The following ALCAM variants were observed in gnomAD, a reference collection of about 807,000 sequenced individuals.
ALCAM encodes activated leukocyte cell adhesion molecule, also known as CD166 antigen.
ALCAM carries 30 observed loss-of-function variants against 70.9 expected under a neutral mutation model. The ratio of observed to expected loss-of-function variants is 0.42; its 90% CI spans 0.32 to 0.57. The LOEUF is 0.57. Among genes scored for constraint, ALCAM ranks in the 20% least tolerant of loss-of-function variants. The pLI is 0.11. For missense variants in ALCAM, 591 were observed against 695.1 expected (o/e 0.85, Z 1.68); for synonymous variants, 249 against 242.5 (o/e 1.03, Z -0.25).
chr3:105,572,242 C>T (rs1164905870), intron 15 of ALCAM, among the ~76,000 whole-genome samples: 2 of 152,114 alleles, frequency 1.3e-5, no homozygotes, highest in Non-Finnish European at 2.9e-5. Flanking sequence ...TAGCCCCCCA[C>T]CCCCTGACAG....
rs529510027 is a variant in ALCAM, at chr3:105,467,718, T to G, written c.74-52349T>G. ...TTTTCATGTTGGTTCTTACTGACTT[T>G]AATTTCTGATGATTTTCAAACCCTG... On this transcript the variant is annotated intron_variant, in intron 1 of 15. Coordinates refer to ENST00000306107, the MANE Select transcript of ALCAM (RefSeq NM_001627.4). Among the ~76,000 whole-genome samples, 241 of 151,342 alleles carry G rather than the reference T, an allele frequency of 1.6e-3. 1 individual carries two copies. The highest frequency in any genetic ancestry group is 5.5e-3 in the African/African-American group (226 of 41,418).
chr3:105,485,748 A>G (rs1035308419), intron 1 of ALCAM, among the ~76,000 whole-genome samples: 1 of 152,056 alleles, frequency 6.6e-6, no homozygotes, highest in African/African-American at 2.4e-5. Context: ...TGACTGTTTC[A>G]TATTTTTCTG....
rs981788221 is a variant in ALCAM, at chr3:105,367,348, G to C, written c.-61G>C. 1 of 1,581,294 alleles carries C rather than the reference G, an allele frequency of 6.3e-7. No homozygotes were observed. The highest frequency in any genetic ancestry group is 1.7e-5 in the Admixed American group (1 of 57,422). Reference sequence around the variant, plus strand: ...CAGCGCGCGGGCACCGCGGGGCCCGGGACGACGCCCCCTCCTGCGGCGTGG... The same window carrying C: ...CAGCGCGCGGGCACCGCGGGGCCCGCGACGACGCCCCCTCCTGCGGCGTGG... On this transcript the variant is annotated 5_prime_UTR_variant, in exon 1 of 16. Coordinates refer to ENST00000306107, the MANE Select transcript of ALCAM (RefSeq NM_001627.4).
chr3:105,384,800 T>A (rs978518988), intron 1 of ALCAM, among the ~76,000 whole-genome samples: 2 of 151,600 alleles, frequency 1.3e-5, no homozygotes, highest in African/African-American at 4.8e-5. Flanking sequence ...TTTTTTAAAT[T>A]ATAAATTGTA....
chr3:105,484,036 A>C (rs1331146516), intron 1 of ALCAM, among the ~76,000 whole-genome samples: 1 of 152,078 alleles, frequency 6.6e-6, no homozygotes, highest in Non-Finnish European at 1.5e-5. Flanking sequence ...TAAAATGATC[A>C]GAAAGCTGTC....
chr3:105,497,026 G>T (rs182126348), intron 1 of ALCAM, among the ~76,000 whole-genome samples: 1 of 152,012 alleles, frequency 6.6e-6, no homozygotes, highest in East Asian at 1.9e-4. Context: ...AAGAAAAAAC[G>T]TCTTTACTCT....
At chr3:105,559,841 C>T (rs184394371) in intron 14 of ALCAM, among the ~76,000 whole-genome samples, 6 of 152,290 alleles carry the variant, frequency 3.9e-5, no homozygotes, top group Admixed American at 3.3e-4. Context: ...TAATGGGCTT[C>T]TTCCCCTTAA....
At chr3:105,486,448 G>A (rs112567196) in intron 1 of ALCAM, among the ~76,000 whole-genome samples, 3,023 of 152,096 alleles carry the variant, frequency 0.02, 55 homozygotes, top group Non-Finnish European at 0.032. Flanking sequence ...GGCATTCAAC[G>A]AACTTAAATT....
chr3:105,467,540 A>G (rs527310057), intron 1 of ALCAM, among the ~76,000 whole-genome samples: 1 of 151,362 alleles, frequency 6.6e-6, no homozygotes, highest in South Asian at 2.1e-4. Context: ...TTAACTTCTC[A>G]TATTATAATC....
intron 1 of ALCAM, among the ~76,000 whole-genome samples, chr3:105,487,281 T>C (rs1045240781): frequency 1.3e-5 from 2 of 152,120 alleles, no homozygotes; most frequent in African/African-American, 4.8e-5. Context: ...CAAGGGAGAT[T>C]CCAGGTAAAT....
chr3:105,538,339 A>C (rs900960373), intron 6 of ALCAM, among the ~76,000 whole-genome samples: 4 of 152,152 alleles, frequency 2.6e-5, no homozygotes, highest in African/African-American at 9.7e-5. Flanking sequence ...GCAAAGGAGA[A>C]AGCCAGGGCA....
At chr3:105,528,266 T>C (rs988978643) in intron 3 of ALCAM, among the ~76,000 whole-genome samples, 4 of 152,142 alleles carry the variant, frequency 2.6e-5, no homozygotes, top group Admixed American at 6.6e-5. Flanking sequence ...AAATATACAT[T>C]TTAGTAGGTT....
chr3:105,436,708 T>C (rs1415723348), intron 1 of ALCAM, among the ~76,000 whole-genome samples: 1 of 152,184 alleles, frequency 6.6e-6, no homozygotes, highest in African/African-American at 2.4e-5. Context: ...TAAATCAATC[T>C]TATGATTCAA....
At chr3:105,497,675 A>C (rs1226329099) in intron 1 of ALCAM, among the ~76,000 whole-genome samples, 1 of 152,136 alleles carries the variant, frequency 6.6e-6, no homozygotes, top group African/African-American at 2.4e-5. Flanking sequence ...TTGCATTTAG[A>C]AGATATAGTC....
At chr3:105,383,323 T>A (rs1221125074) in intron 1 of ALCAM, among the ~76,000 whole-genome samples, 1 of 151,780 alleles carries the variant, frequency 6.6e-6, no homozygotes, top group Non-Finnish European at 1.5e-5. Context: ...ACCCAGCGTC[T>A]ACTGATACAT....
At chr3:105,534,588 G>A in intron 5 of ALCAM, 75 bp from the exon 6 acceptor site, 3 of 1,393,388 alleles carry the variant, frequency 2.2e-6, no homozygotes, top group Non-Finnish European at 3.1e-6. Context: ...CTTCTCAAAG[G>A]TGTGGTGCTG....
At chr3:105,386,371 T>G (rs974249251) in intron 1 of ALCAM, among the ~76,000 whole-genome samples, 1 of 151,602 alleles carries the variant, frequency 6.6e-6, no homozygotes, top group African/African-American at 2.4e-5. Context: ...ATAGAAATAC[T>G]CAAGGCTGGC....
At chr3:105,424,045 G>T (rs934613717) in intron 1 of ALCAM, among the ~76,000 whole-genome samples, 12 of 151,498 alleles carry the variant, frequency 7.9e-5, no homozygotes, top group Non-Finnish European at 1.6e-4. Context: ...GATATGTGGG[G>T]TTTTTTAGTG....
In ALCAM at chr3:105,426,653, A is replaced by G. The variant is rs368559249; in HGVS notation, c.73+59172A>G. ...TGTACTCGTTGACAAATATCTCTAC[A>G]AGTGTTTTTCACAAAGAAGCCCCTC... On this transcript the variant is annotated intron_variant, in intron 1 of 15. Transcript: ENST00000306107. Among the ~76,000 whole-genome samples, 5 of 152,060 alleles carry G rather than the reference A, an allele frequency of 3.3e-5. No individual in the cohort carries two copies. The East Asian group carries it at 5.8e-4, about 18-fold the overall frequency.
Sources: gnomAD v4.1 joint callset for allele counts (sites outside exome capture counted in the v4.1 genomes callset) on GRCh38, gnomAD v4.1.1 for gene constraint, MANE v1.5 for transcripts, NCBI Gene and HGNC (gene_info 2026-07-23, HGNC 2026-07-21) for gene names.